TBCK: variants seen among roughly 807,000 people sequenced by gnomAD.
The protein encoded by TBCK is TBC1 domain containing kinase, also known as TBC domain-containing protein kinase-like protein.
A neutral mutation model predicts 113.4 loss-of-function variants in TBCK; 99 were observed. The observed-to-expected ratio is 0.87, with a 90% CI of 0.74 to 1.03. TBCK has a LOEUF of 1.03. TBCK is among the 50% of genes least tolerant of loss of function. The pLI is 0.00. For missense variants in TBCK, 1,045 were observed against 1,061.3 expected (o/e 0.98, Z 0.21); for synonymous variants, 369 against 370.8 (o/e 1.00, Z 0.05).
In TBCK at chr4:106,217,852, G is replaced by A. The variant is rs1398338471; in HGVS notation, c.1775-5017C>T. ...AAAGCTACCAATGACTTTCTTCACAGAATTGGAAAAAACTACTTTAAAGTT... is the reference window on the plus strand; with the variant it reads ...AAAGCTACCAATGACTTTCTTCACAAAATTGGAAAAAACTACTTTAAAGTT... On this transcript the variant is annotated intron_variant, in intron 19 of 25. Coordinates refer to ENST00000394708, the MANE Select transcript of TBCK (RefSeq NM_001163435.3). Among the ~76,000 whole-genome samples, 3 of 148,922 alleles carry A rather than the reference G, an allele frequency of 2.0e-5. 1 individual carries two copies. The highest frequency in any genetic ancestry group is 3.9e-4 in the East Asian group (2 of 5,086).
At chr4:106,111,517 C>T (rs751245268) in intron 24 of TBCK, among the ~76,000 whole-genome samples, 6 of 152,180 alleles carry the variant, frequency 3.9e-5, no homozygotes, top group Non-Finnish European at 7.4e-5. Flanking sequence ...AAAGTGCTTC[C>T]TCAAGGAATG....
At chr4:106,101,906 A>C (rs1161722899) in intron 24 of TBCK, among the ~76,000 whole-genome samples, 1 of 152,250 alleles carries the variant, frequency 6.6e-6, no homozygotes, top group Non-Finnish European at 1.5e-5. Context: ...GAAACTATTA[A>C]CATCACTTCT....
intron 25 of TBCK, among the ~76,000 whole-genome samples, chr4:106,057,558 G>A (rs12642373): frequency 0.23 from 34,949 of 151,326 alleles, 4,886 homozygotes; most frequent in East Asian, 0.35. Context: ...CAGCCAAACT[G>A]CTCTTCAAAG....
At chr4:106,125,886 A>G (rs1217328448) in intron 23 of TBCK, among the ~76,000 whole-genome samples, 1 of 152,244 alleles carries the variant, frequency 6.6e-6, no homozygotes, top group African/African-American at 2.4e-5. Context: ...GTGTATTTCA[A>G]AAGAGCTAGA....
At chr4:106,247,070 A>G in intron 10 of TBCK, 69 bp downstream of exon 10, 1 of 1,479,214 alleles carries the variant, frequency 6.8e-7, no homozygotes, top group South Asian at 1.3e-5. Context: ...TTCAAAACTG[A>G]AAGTAGGACA....
At chr4:106,275,847 A>C (rs1052205814) in intron 3 of TBCK, among the ~76,000 whole-genome samples, 2 of 152,252 alleles carry the variant, frequency 1.3e-5, no homozygotes, top group South Asian at 4.1e-4. Context: ...GTTCTTTCCA[A>C]ATTGATCCAT....
intron 1 of TBCK, among the ~76,000 whole-genome samples, chr4:106,309,565 G>A (rs1300829025): frequency 6.6e-6 from 1 of 151,968 alleles, no homozygotes; most frequent in Admixed American, 6.5e-5. Flanking sequence ...GCCTCTCAAA[G>A]TGCTGGGATT....
chr4:106,093,790 A>G (rs1740595828), intron 25 of TBCK, among the ~76,000 whole-genome samples: 1 of 151,872 alleles, frequency 6.6e-6, no homozygotes, highest in African/African-American at 2.4e-5. Context: ...ATGTTTACCT[A>G]TATAACATAC....
At chr4:106,101,546 C>G (rs1283746049) in intron 24 of TBCK, among the ~76,000 whole-genome samples, 5 of 152,124 alleles carry the variant, frequency 3.3e-5, no homozygotes, top group African/African-American at 4.8e-5. Context: ...CTAGTGTTCA[C>G]TAAGGATGAA....
chr4:106,204,226 C>T (rs958555822), intron 20 of TBCK, among the ~76,000 whole-genome samples: 10 of 152,066 alleles, frequency 6.6e-5, no homozygotes, highest in African/African-American at 2.2e-4. Flanking sequence ...AAGAGGGTTG[C>T]AGGGAAAAAA....
intron 20 of TBCK, among the ~76,000 whole-genome samples, chr4:106,207,306 C>A (rs1252668223): frequency 3.3e-5 from 5 of 152,164 alleles, no homozygotes; most frequent in African/African-American, 1.2e-4. Flanking sequence ...AAATCACAAT[C>A]TCTACTGCAA....
chr4:106,215,424 T>C (rs1041893572), intron 19 of TBCK, among the ~76,000 whole-genome samples: 8 of 152,182 alleles, frequency 5.3e-5, no homozygotes, highest in Admixed American at 2.0e-4. Context: ...GACTGGCAAA[T>C]TGGATAAAGA....
chr4:106,176,069 TTAAA>T (rs1356548007), intron 22 of TBCK, among the ~76,000 whole-genome samples: 2 of 152,130 alleles, frequency 1.3e-5, no homozygotes, highest in African/African-American at 4.8e-5. Context: ...TATGTATTAA[TTAAA>T]TATGGAATAC....
At position 106,139,477 on chromosome 4, in the gene TBCK, G is replaced by A. The variant is rs185278256; in HGVS notation, c.2236-23099C>T. ...TTAACATTTTAAATGAGAAGGAAGA[G>A]TATTCAGCTGTCTCTAATCTTTAAT... On this transcript the variant is annotated intron_variant, in intron 23 of 25. Coordinates refer to ENST00000394708, the MANE Select transcript of TBCK (RefSeq NM_001163435.3). Among the ~76,000 whole-genome samples the A allele has an allele frequency of 1.3e-4, 18 of 141,760 alleles. 5 individuals are homozygous for A. The highest frequency in any genetic ancestry group is 2.9e-4 in the Non-Finnish European group (18 of 62,284). The allele number at this position is 141,760 out of a possible 152,430, so 93.0% of individuals were successfully genotyped here. A position where few individuals can be genotyped will look rare whatever the true frequency, so the allele number is the denominator to read the frequency against.
At chr4:106,107,530 A>G (rs1742310114) in intron 24 of TBCK, among the ~76,000 whole-genome samples, 1 of 152,224 alleles carries the variant, frequency 6.6e-6, no homozygotes, top group African/African-American at 2.4e-5. Context: ...CATGCTCCCG[A>G]TTGACTTTTG....
chr4:106,260,711 T>C (rs985504118), intron 4 of TBCK, among the ~76,000 whole-genome samples: 2 of 151,984 alleles, frequency 1.3e-5, no homozygotes, highest in African/African-American at 4.8e-5. Flanking sequence ...TTATACTCAT[T>C]AAATATGTAT....
intron 22 of TBCK, among the ~76,000 whole-genome samples, chr4:106,172,952 A>T (rs1751208333): frequency 6.6e-6 from 1 of 152,156 alleles, no homozygotes; most frequent in Non-Finnish European, 1.5e-5. Flanking sequence ...GTCTGAAGTT[A>T]CTATAAGGTT....
chr4:106,151,037 TTATTTTTTA>T (rs1348417881), intron 23 of TBCK, among the ~76,000 whole-genome samples: 1 of 150,756 alleles, frequency 6.6e-6, no homozygotes, highest in Admixed American at 6.8e-5. Context: ...TTCAAAACTT[TTATTTTTTA>T]TTTTTCATTT....
At chr4:106,140,882 T>C (rs1347198737) in intron 23 of TBCK, among the ~76,000 whole-genome samples, 1 of 140,242 alleles carries the variant, frequency 7.1e-6, no homozygotes, top group Admixed American at 7.1e-5. Context: ...AAATAGAAAT[T>C]AGGACAGAGC....
Sources: allele counts gnomAD v4.1 joint callset (sites outside exome capture counted in the v4.1 genomes callset), GRCh38; gene constraint gnomAD v4.1.1; transcripts MANE v1.5; gene names NCBI Gene and HGNC (gene_info 2026-07-23, HGNC 2026-07-21).